Variants in ELOVL6 observed in about 807,000 individuals in gnomAD.
The protein encoded by ELOVL6 is ELOVL fatty acid elongase 6, also known as very long chain fatty acid elongase 6.
A neutral mutation model predicts 31.7 loss-of-function variants in ELOVL6; 8 were observed. The observed-to-expected ratio is 0.25, with a 90% confidence interval of 0.15 to 0.45. ELOVL6 has a LOEUF of 0.45. ELOVL6 is among the 20% of genes least tolerant of loss of function. ELOVL6 has a pLI of 1.00. For synonymous variants in ELOVL6, 101 were observed against 117.7 expected (o/e 0.86, Z 0.92); for missense variants, 126 against 326.4 (o/e 0.39, Z 4.73).
At chr4:110,180,862 T>G (rs1644379972) in intron 1 of ELOVL6, among the ~76,000 whole-genome samples, 1 of 152,218 alleles carries the variant, frequency 6.6e-6, no homozygotes, top group South Asian at 2.1e-4. Flanking sequence ...CAAGGCCATG[T>G]GTGGTGGTTC....
intron 2 of ELOVL6, among the ~76,000 whole-genome samples, chr4:110,087,974 GT>G (rs1488436414): frequency 1.3e-5 from 2 of 152,098 alleles, no homozygotes; most frequent in Non-Finnish European, 2.9e-5. Context: ...CTTCGTGAAG[GT>G]TACAAATACG....
At chr4:110,062,167 T>G (rs1755159915) in intron 2 of ELOVL6, among the ~76,000 whole-genome samples, 1 of 151,978 alleles carries the variant, frequency 6.6e-6, no homozygotes, top group African/African-American at 2.4e-5. Context: ...AGGGCTAGGG[T>G]ATGGGGAGGT....
chr4:110,071,573 G>T (rs1213479584), intron 2 of ELOVL6, among the ~76,000 whole-genome samples: 1 of 152,148 alleles, frequency 6.6e-6, no homozygotes, highest in African/African-American at 2.4e-5. Context: ...GGGGGACAAA[G>T]CTTCAGTTTC....
intron 1 of ELOVL6, among the ~76,000 whole-genome samples, chr4:110,119,308 G>GA (rs1162024384): frequency 6.8e-6 from 1 of 146,364 alleles, no homozygotes; most frequent in Non-Finnish European, 1.5e-5. Flanking sequence ...AAGAAAGAAA[G>GA]AAAAAAAAAG....
Position 110,123,922 on chromosome 4 carries a change from A to G in ELOVL6, c.90-18294T>C. 1.3e-5 allele frequency among the ~76,000 whole-genome samples: 2 copies of G among 152,226 alleles called. 1 individual carries two copies. Among genetic ancestry groups the G allele is most frequent in the Admixed American group, 1.3e-4 (2 of 15,286 alleles). On this transcript the variant is annotated intron_variant, in intron 1 of 3. Transcript: ENST00000302274. ...AAAAAATGAGCATGAAAGGATCTAG[A>G]CTATGGTAAAGAAGGTTTGTTTGTT...
chr4:110,052,157 T>C (rs1284608997), intron 3 of ELOVL6, among the ~76,000 whole-genome samples: 4 of 152,350 alleles, frequency 2.6e-5, no homozygotes, highest in African/African-American at 9.6e-5. Context: ...CTATACATTT[T>C]AGGAAATACC....
chr4:110,180,607 T>G (rs1439000628), intron 1 of ELOVL6, among the ~76,000 whole-genome samples: 1 of 152,232 alleles, frequency 6.6e-6, no homozygotes, highest in African/African-American at 2.4e-5. Flanking sequence ...CTCACCATGT[T>G]GCCCAGGTTG....
chr4:110,103,394 T>C (rs1756804993), intron 2 of ELOVL6, among the ~76,000 whole-genome samples: 1 of 152,180 alleles, frequency 6.6e-6, no homozygotes, highest in South Asian at 2.1e-4. Flanking sequence ...TATGAAAAAG[T>C]ACATATCCAT....
intron 1 of ELOVL6, among the ~76,000 whole-genome samples, chr4:110,176,139 C>A (rs1453558986): frequency 6.9e-6 from 1 of 145,284 alleles, no homozygotes; most frequent in East Asian, 2.1e-4. Flanking sequence ...ATGAATAAAT[C>A]AATGTTTCTA....
intron 2 of ELOVL6, among the ~76,000 whole-genome samples, chr4:110,100,470 T>G (rs1251343413): frequency 1.3e-5 from 2 of 151,726 alleles, no homozygotes; most frequent in South Asian, 4.2e-4. Flanking sequence ...TAGACTGGTT[T>G]GAAGAGGTTT....
In ELOVL6 at chr4:110,198,070, A is replaced by C. The variant is rs755746; in HGVS notation, c.89+177T>G. 2,500 of 512,488 alleles carry C rather than the reference A, an allele frequency of 4.9e-3. 69 individuals are homozygous for C. In the African/African-American group the frequency reaches 0.068, roughly 14 times the overall value. 31.7% of individuals were successfully genotyped at this position (512,488 alleles called of 1,614,324 possible). Reference sequence around the variant, plus strand: ...GGGGCACCCACAGACCTCGCGCTTCATGTACCCCCCCCCCCCCAGCGTCTC... The same window carrying C: ...GGGGCACCCACAGACCTCGCGCTTCCTGTACCCCCCCCCCCCCAGCGTCTC... On this transcript the variant is annotated intron_variant, in intron 1 of 3. Transcript: ENST00000302274.
At chr4:110,108,884 G>C (rs181464317) in intron 1 of ELOVL6, among the ~76,000 whole-genome samples, 2 of 152,332 alleles carry the variant, frequency 1.3e-5, no homozygotes, top group East Asian at 3.9e-4. Context: ...TTAAACCTAA[G>C]CATCTGCTAT....
chr4:110,158,656 TA>T lies in ELOVL6; in HGVS notation c.89+39590del, dbSNP rs1247834512. Among the ~76,000 whole-genome samples the T allele has an allele frequency of 3.0e-3, 257 of 85,508 alleles. 1 individual carries two copies. Among genetic ancestry groups the T allele is most frequent in the Middle Eastern group, 0.016 (3 of 186 alleles). 56.1% of individuals were successfully genotyped at this position (85,508 alleles called of 152,430 possible). ...ACGTGTATATATATATATATATATA[TA>T]TTTTTTTTTTTTTTTTTTTTGAGAC... is the stretch of plus-strand genomic sequence containing the variant. On this transcript the variant is annotated intron_variant, in intron 1 of 3. Transcript: ENST00000302274.
chr4:110,066,227 A>G (rs1755294732), intron 2 of ELOVL6, among the ~76,000 whole-genome samples: 1 of 152,150 alleles, frequency 6.6e-6, no homozygotes, highest in South Asian at 2.1e-4. Flanking sequence ...CAGTTTCCAG[A>G]GTAGGAAGAA....
chr4:110,114,987 T>C (rs116417685), intron 1 of ELOVL6, among the ~76,000 whole-genome samples: 270 of 152,338 alleles, frequency 1.8e-3, no homozygotes, highest in African/African-American at 6.3e-3. Flanking sequence ...CCATTTCTGT[T>C]GTAGGTTACC....
rs574581114 is a variant in ELOVL6, at chr4:110,187,521, C to G, written c.89+10726G>C. 9.9e-5 allele frequency among the ~76,000 whole-genome samples: 15 copies of G among 151,696 alleles called. No individual in the cohort carries two copies. The East Asian group carries it at 2.5e-3, about 25-fold the overall frequency. On this transcript the variant is annotated intron_variant, in intron 1 of 3. Coordinates refer to ENST00000302274, the MANE Select transcript of ELOVL6 (RefSeq NM_024090.3). ...ATCAGGAGTTTGAGACCAGTGAAAC[C>G]CCGTCTCTACTAAAAATACAAAAAA...
At chr4:110,084,210 A>G in intron 2 of ELOVL6, among the ~76,000 whole-genome samples, 1 of 69,298 alleles carries the variant, frequency 1.4e-5, no homozygotes, top group Non-Finnish European at 2.4e-5. Context: ...GATATATATA[A>G]CATATAACTT....
intron 2 of ELOVL6, among the ~76,000 whole-genome samples, chr4:110,084,344 G>GTT (rs756104923): frequency 1.1e-5 from 1 of 88,420 alleles, no homozygotes; most frequent in South Asian, 3.7e-4. Flanking sequence ...TCACATATAT[G>GTT]ATATATGATA....
At position 110,047,521 on chromosome 4, in the gene ELOVL6, C is replaced by T. The variant is rs1274002592; in HGVS notation, c.*3817G>A. 3 of 152,208 alleles carry T rather than the reference C, an allele frequency of 2.0e-5. No individual in the cohort carries two copies. Among genetic ancestry groups the T allele is most frequent in the Non-Finnish European group, 4.4e-5 (3 of 68,044 alleles). The allele number at this position is 152,208 out of a possible 1,614,324, so 9.4% of individuals were successfully genotyped here. On this transcript the variant is annotated 3_prime_UTR_variant, in exon 4 of 4. Transcript: ENST00000302274. ...AGACTTCTGGAACATTCTACTCTAGCATCACTGTACTCCAGGAGCTTTGTT... is the reference window on the plus strand; with the variant it reads ...AGACTTCTGGAACATTCTACTCTAGTATCACTGTACTCCAGGAGCTTTGTT...
Sources: allele counts gnomAD v4.1 joint callset (sites outside exome capture counted in the v4.1 genomes callset), GRCh38; gene constraint gnomAD v4.1.1; transcripts MANE v1.5; gene names NCBI Gene and HGNC (gene_info 2026-07-23, HGNC 2026-07-21).